Variants in RALGDS observed in about 807,000 individuals in gnomAD.
RALGDS encodes ral guanine nucleotide dissociation stimulator, also known as ral guanine nucleotide exchange factor.
Under a neutral mutation model 99.8 loss-of-function variants are expected in RALGDS, and 44 were observed. The ratio of observed to expected loss-of-function variants is 0.44; its 90% CI spans 0.35 to 0.57. The LOEUF is 0.57. Among genes scored for constraint, RALGDS ranks in the 20% least tolerant of loss-of-function variants. The pLI, the probability that RALGDS is intolerant of heterozygous loss-of-function variation, is 0.01. For missense variants in RALGDS, 1,022 were observed against 1,203.1 expected (o/e 0.85, Z 2.23); for synonymous variants, 529 against 505.0 (o/e 1.05, Z -0.64).
Position 133,101,988 on chromosome 9 carries a change from C to A in RALGDS, c.2161G>T (p.Glu721Ter). The change falls in exon 15 of 18, where the codon GAG becomes TAG. Residue 721 changes from glutamate to a stop codon, truncating the protein, a stop_gained. Transcript: ENST00000372050. LOFTEE classifies it high-confidence loss of function. ...SAGSSSSDVE[E>*]INISFVPESP... ...TCCGGGACGAAGCTGATGTTGATCT[C>A]CTCCACGTCGGAGCTAGAGGAGCCG... 1.3e-6 allele frequency: 2 copies of A among 1,551,856 alleles called. No homozygotes were observed. Among genetic ancestry groups the A allele is most frequent in the East Asian group, 4.9e-5 (2 of 40,980 alleles).
At chr9:133,137,743 G>A (rs1048256755) in intron 1 of RALGDS, among the ~76,000 whole-genome samples, 1 of 152,208 alleles carries the variant, frequency 6.6e-6, no homozygotes, top group Admixed American at 6.5e-5. Context: ...GTGGTAGGTG[G>A]TCAGGTTGGC....
chr9:133,101,432 AC>A, intron 16 of RALGDS, 87 bp downstream of exon 16: 1 of 1,598,950 alleles, frequency 6.3e-7, no homozygotes, highest in Non-Finnish European at 8.5e-7. Flanking sequence ...TACAAGGTAG[AC>A]CCCGGGAGGG....
rs184668944 is a variant in RALGDS at position 133,145,492 on chromosome 9, G to A, written c.18+3471C>T. ...GATGTTCGTAAAAATCTGTATGTTC[G>A]TCATATTCAGATGTTCGTAAAAATC... On this transcript the variant is annotated intron_variant, in intron 1 of 17. Coordinates refer to the RALGDS transcript ENST00000393160. Among the ~76,000 whole-genome samples, 469 of 150,176 alleles carry A rather than the reference G, an allele frequency of 3.1e-3. 3 individuals carry two copies. The highest frequency in any genetic ancestry group is 0.022 in the South Asian group (104 of 4,818).
chr9:133,133,677 T>C (rs1238575655), upstream of RALGDS, among the ~76,000 whole-genome samples: 1 of 152,170 alleles, frequency 6.6e-6, no homozygotes, highest in African/African-American at 2.4e-5. Context: ...CTACTGTGCA[T>C]GAAGCTTACG....
At chr9:133,129,651 A>T (rs1832272623) in intron 1 of RALGDS, among the ~76,000 whole-genome samples, 1 of 152,030 alleles carries the variant, frequency 6.6e-6, no homozygotes, top group African/African-American at 2.4e-5. Context: ...ACCAAATCAA[A>T]ACAGGGTTCG....
upstream of RALGDS, among the ~76,000 whole-genome samples, chr9:133,124,300 G>A (rs543446009): frequency 1.0e-4 from 15 of 145,920 alleles, no homozygotes; most frequent in African/African-American, 3.3e-4. Context: ...ATTTAGAGAC[G>A]GAGACACACA....
intron 1 of RALGDS, among the ~76,000 whole-genome samples, chr9:133,114,346 A>G (rs886310499): frequency 2.0e-5 from 3 of 152,316 alleles, no homozygotes; most frequent in African/African-American, 4.8e-5. Context: ...CGTGGAGTAC[A>G]GGGGCTGTTT....
intron 6 of RALGDS, 28 bp from the exon 7 acceptor site, chr9:133,107,328 T>G: frequency 1.3e-6 from 2 of 1,579,468 alleles, no homozygotes; most frequent in Non-Finnish European, 1.7e-6. Flanking sequence ...TGTCACCTGG[T>G]CCTGCCCCAG....
intron 4 of RALGDS, 116 bp from the exon 5 acceptor site, chr9:133,108,982 G>C: frequency 9.5e-7 from 1 of 1,054,764 alleles, no homozygotes; most frequent in Non-Finnish European, 1.4e-6. Flanking sequence ...AAGCCCCCTT[G>C]GCTGTCCAGC....
rs146889035 is a variant in RALGDS at position 133,112,710 on chromosome 9, C to T, written c.184-558G>A. On this transcript the variant is annotated intron_variant, in intron 1 of 17. Coordinates refer to ENST00000372050, the MANE Select transcript of RALGDS (RefSeq NM_006266.4). Reference sequence around the variant, plus strand: ...GGGGCCCTGGCTGACCTAGCAGGAACGCACAGCTCCTCTGGGCCCAGCCCT... The same window carrying T: ...GGGGCCCTGGCTGACCTAGCAGGAATGCACAGCTCCTCTGGGCCCAGCCCT... 3.0e-3 allele frequency among the ~76,000 whole-genome samples: 453 copies of T among 152,308 alleles called. 6 individuals carry two copies. The highest frequency in any genetic ancestry group is 0.01 in the African/African-American group (429 of 41,578).
chr9:133,144,194 A>G lies in RALGDS; in HGVS notation c.18+4769T>C, dbSNP rs1832585937. Reference sequence around the variant, plus strand: ...GCTATCTGCAAACCGCAGTGTCATCAGCCGCACGGCCTCTGGAGAGGCCTG... The same window carrying G: ...GCTATCTGCAAACCGCAGTGTCATCGGCCGCACGGCCTCTGGAGAGGCCTG... On this transcript the variant is annotated intron_variant, in intron 1 of 17. Transcript: ENST00000393160. The surrounding 1 kb of genome is among the most constrained non-coding windows in gnomAD (Gnocchi z 4.5). Among the ~76,000 whole-genome samples the G allele has an allele frequency of 6.6e-6, 1 of 152,156 alleles. No individual in the cohort carries two copies. The highest frequency in any genetic ancestry group is 1.5e-5 in the Non-Finnish European group (1 of 68,020).
At chr9:133,142,177 G>T (rs148674373) in intron 1 of RALGDS, among the ~76,000 whole-genome samples, 2 of 152,156 alleles carry the variant, frequency 1.3e-5, no homozygotes, top group Non-Finnish European at 2.9e-5. Context: ...GGACTGGGGT[G>T]TCCCTCAGGA....
At position 133,101,612 on chromosome 9, in the gene RALGDS, C is replaced by A; in HGVS notation, c.2362G>T (p.Ala788Ser). ...ACCTGCTGGTTGTAGAGCGGCAGCG[C>A]GGAGCTGGAGTTGCAGAGCCCTGAG... The part of the protein sequence containing the change: ...SVSGLCNSSS[A>S]LPLYNQQVGD... Residue 788 changes from alanine to serine, a missense_variant, in exon 16 of 18, where the codon GCG (alanine) becomes TCG (serine). Ala to Ser is a moderately conservative substitution (Grantham distance 99). This residue lies in a region of RALGDS where 825 missense variants were observed against 994.5 expected (regional missense o/e 0.83). Coordinates refer to ENST00000372050, the MANE Select transcript of RALGDS (RefSeq NM_006266.4). The A allele has an allele frequency of 6.2e-7, 1 of 1,613,244 alleles. No individual in the cohort carries two copies. The highest frequency in any genetic ancestry group is 1.1e-5 in the South Asian group (1 of 91,086).
At chr9:133,111,021 T>C (rs1450410706) in intron 2 of RALGDS, among the ~76,000 whole-genome samples, 2 of 152,198 alleles carry the variant, frequency 1.3e-5, no homozygotes, top group African/African-American at 2.4e-5. Context: ...TGAGCTATGA[T>C]CATACCTCTG....
intron 9 of RALGDS, 102 bp downstream of exon 9, chr9:133,105,830 C>CGCCCCA (rs1564231881): frequency 1.1e-5 from 2 of 189,070 alleles, no homozygotes; most frequent in Admixed American, 9.0e-5. Flanking sequence ...CCCCAGCCCC[C>CGCCCCA]GCCCCAGCCC....
At position 133,104,718 on chromosome 9, in the gene RALGDS, A is replaced by G. The variant is rs535293053; in HGVS notation, c.1603-387T>C. 553 of 231,150 alleles carry G rather than the reference A, an allele frequency of 2.4e-3. 7 individuals carry two copies. The highest frequency in any genetic ancestry group is 0.012 in the African/African-American group (516 of 43,726). 14.3% of individuals were successfully genotyped at this position (231,150 alleles called of 1,614,324 possible). A position where few individuals can be genotyped will look rare whatever the true frequency, so the allele number is the denominator to read the frequency against. On this transcript the variant is annotated intron_variant, in intron 9 of 17. Transcript: ENST00000372050. ...TCCCAGCTACTTGGGAAGCTGAGGC[A>G]GGAGAATCCCTTGAACCCAGGAGGT...
At chr9:133,121,349 T>C (rs955837589), upstream of RALGDS, 5 of 479,070 alleles carry the variant, frequency 1.0e-5, no homozygotes, top group African/African-American at 1.1e-4. Context: ...GACGCGTGCG[T>C]GCGCGCGCCC....
intron 1 of RALGDS, among the ~76,000 whole-genome samples, chr9:133,113,408 C>T (rs57786264): frequency 2.0e-5 from 3 of 152,302 alleles, no homozygotes; most frequent in East Asian, 1.9e-4. Flanking sequence ...CCACTTCCTC[C>T]GACCTGAGGT....
chr9:133,121,023 C>T lies in RALGDS; in HGVS notation c.132G>A (p.Pro44=), dbSNP rs1352891884. The change falls in exon 1 of 18, where the codon CCG becomes CCA. Residue 44 remains proline (P), a synonymous_variant. Coordinates refer to ENST00000372050, the MANE Select transcript of RALGDS (RefSeq NM_006266.4). Reference sequence around the variant, plus strand: ...GCTGCGTGAAGCTGTGCAGCACCACCGGGCAGCTGTCGGGGACGCCCACCT... The same window carrying T: ...GCTGCGTGAAGCTGTGCAGCACCACTGGGCAGCTGTCGGGGACGCCCACCT... ...RLEVGVPDSC[P]VVLHSFTQLD... 4.7e-6 allele frequency: 7 copies of T among 1,496,674 alleles called. No homozygotes were observed. Among genetic ancestry groups the T allele is most frequent in the Non-Finnish European group, 6.2e-6 (7 of 1,129,528 alleles). 92.7% of individuals were successfully genotyped at this position (1,496,674 alleles called of 1,614,324 possible).
Sources: gnomAD v4.1 joint callset for allele counts (sites outside exome capture counted in the v4.1 genomes callset) on GRCh38, gnomAD v4.1.1 for gene constraint, gnomAD v4.1.1 regional missense constraint, Gnocchi (gnomAD v3.1) non-coding constraint, MANE v1.5 for transcripts, NCBI Gene and HGNC (gene_info 2026-07-23, HGNC 2026-07-21) for gene names.